The following PGM5 variants were observed in gnomAD, a reference collection of about 807,000 sequenced individuals.
PGM5 encodes the protein phosphoglucomutase 5, also known as phosphoglucomutase-like protein 5.
PGM5 carries 23 observed loss-of-function variants against 59.2 expected under a neutral mutation model. The observed-to-expected ratio is 0.39, with a 90% CI of 0.28 to 0.55. The LOEUF (loss-of-function observed/expected upper bound fraction) is 0.55. Ranked by LOEUF, PGM5 falls within the 20% of genes least tolerant of loss-of-function variation. The pLI is 0.66. For synonymous variants in PGM5, 214 were observed against 286.0 expected (o/e 0.75, Z 2.54); for missense variants, 574 against 748.3 (o/e 0.77, Z 2.72).
chr9:68,404,016 G>A (rs1200577356), intron 6 of PGM5, among the ~76,000 whole-genome samples: 1 of 152,216 alleles, frequency 6.6e-6, no homozygotes, highest in Non-Finnish European at 1.5e-5. Flanking sequence ...TCTGCTTGAA[G>A]ATCATCAGCA....
chr9:68,505,786 G>A (rs1824643365), intron 10 of PGM5, among the ~76,000 whole-genome samples: 1 of 152,162 alleles, frequency 6.6e-6, no homozygotes, highest in African/African-American at 2.4e-5. Context: ...AGGTAATTAT[G>A]GTTGATTAAA....
At chr9:68,519,932 T>TAAATAAAA (rs1824874951) in intron 10 of PGM5, among the ~76,000 whole-genome samples, 1 of 142,536 alleles carries the variant, frequency 7.0e-6, no homozygotes, top group African/African-American at 2.9e-5. Flanking sequence ...AATAAATAAA[T>TAAATAAAA]AAATAAAATT....
At chr9:68,417,423 G>A (rs559161987) in intron 6 of PGM5, among the ~76,000 whole-genome samples, 7 of 135,682 alleles carry the variant, frequency 5.2e-5, no homozygotes, top group East Asian at 1.9e-4. Flanking sequence ...CCCTGGGCCC[G>A]GGGGACGTGT....
chr9:68,402,408 A>G (rs1329462994), intron 6 of PGM5: 2 of 152,246 alleles, frequency 1.3e-5, no homozygotes, highest in Non-Finnish European at 2.9e-5. Flanking sequence ...GGCAAGAATC[A>G]TTGCTCTCTT....
chr9:68,462,143 G>A (rs1823866823), intron 6 of PGM5, among the ~76,000 whole-genome samples: 1 of 151,962 alleles, frequency 6.6e-6, no homozygotes, highest in African/African-American at 2.4e-5. Flanking sequence ...AGGAAAAAAT[G>A]TGGCCCAGGT....
chr9:68,373,915 AGAT>A (rs1821806631), intron 1 of PGM5, among the ~76,000 whole-genome samples: 1 of 152,222 alleles, frequency 6.6e-6, no homozygotes, highest in South Asian at 2.1e-4. Context: ...AGCAGTGTAG[AGAT>A]GATATGTTTG....
chr9:68,378,356 A>G lies in PGM5; in HGVS notation c.419A>G (p.Asn140Ser), dbSNP rs142021829. 1.9e-4 allele frequency: 301 copies of G among 1,591,552 alleles called. No individual in the cohort carries two copies. Among genetic ancestry groups the G allele is most frequent in the South Asian group, 1.3e-3 (115 of 88,282 alleles). ...GEFGVKFNVA[N>S]GGPAPDVVSD... ...TTTGGAGTGAAGTTTAATGTTGCCA[A>G]TGGAGGTATGTGGTTCAGCATATGC... Residue 140 changes from asparagine to serine, a missense_variant, in exon 2 of 11, where the codon AAT (asparagine) becomes AGT (serine). This residue lies in a region of PGM5 where 61 missense variants were observed against 133.3 expected (regional missense o/e 0.46). Coordinates refer to ENST00000396396, the MANE Select transcript of PGM5 (RefSeq NM_021965.4).
Position 68,356,939 on chromosome 9 carries a change from G to C in PGM5, c.-189G>C. On this transcript the variant is annotated 5_prime_UTR_variant, in exon 1 of 11. Coordinates refer to ENST00000396396, the MANE Select transcript of PGM5 (RefSeq NM_021965.4). ...TCTCTGCCGAGAGAGTCAGCCGAGCGGCCGCGCGGAGAGGAGGGGCGGGCG... is the reference window on the plus strand; with the variant it reads ...TCTCTGCCGAGAGAGTCAGCCGAGCCGCCGCGCGGAGAGGAGGGGCGGGCG... 6.3e-6 allele frequency: 3 copies of C among 478,930 alleles called. No individual in the cohort carries two copies. The allele number at this position is 478,930 out of a possible 1,614,324, so 29.7% of individuals were successfully genotyped here.
intron 9 of PGM5, among the ~76,000 whole-genome samples, chr9:68,489,556 C>T (rs1454921490): frequency 6.6e-6 from 1 of 151,294 alleles, no homozygotes; most frequent in Non-Finnish European, 1.5e-5. Flanking sequence ...ACCTCTGCTC[C>T]CGGGTTCAAG....
intron 6 of PGM5, among the ~76,000 whole-genome samples, chr9:68,463,356 C>T (rs555745355): frequency 6.6e-6 from 1 of 152,208 alleles, no homozygotes; most frequent in East Asian, 1.9e-4. Flanking sequence ...TCTTGCTGTT[C>T]GTAGGCATTT....
chr9:68,417,370 C>G (rs972491874), intron 6 of PGM5, among the ~76,000 whole-genome samples: 12 of 152,074 alleles, frequency 7.9e-5, no homozygotes, highest in African/African-American at 2.9e-4. Flanking sequence ...CTTTACTGCC[C>G]CCTAGATCCC....
rs1417458529 is a variant in PGM5 at position 68,369,386 on chromosome 9, G to A, written c.262-8813G>A. Among the ~76,000 whole-genome samples, 5 of 152,276 alleles carry A rather than the reference G, an allele frequency of 3.3e-5. No individual in the cohort carries two copies. In the South Asian group the frequency reaches 8.3e-4, roughly 25 times the overall value. On this transcript the variant is annotated intron_variant, in intron 1 of 10. Transcript: ENST00000396396. ...ACTCTGCTTTCTTGACCCACACCCAGGTAGACCCAATGGACACTTGTAGCT... is the reference window on the plus strand; with the variant it reads ...ACTCTGCTTTCTTGACCCACACCCAAGTAGACCCAATGGACACTTGTAGCT...
At chr9:68,393,060 C>CT (rs1320589973) in intron 6 of PGM5, among the ~76,000 whole-genome samples, 13 of 151,882 alleles carry the variant, frequency 8.6e-5, no homozygotes, top group Non-Finnish European at 1.6e-4. Context: ...CTAACTAACC[C>CT]TATTAGGTTT....
At chr9:68,368,018 A>G (rs1160638472) in intron 1 of PGM5, among the ~76,000 whole-genome samples, 47 of 152,356 alleles carry the variant, frequency 3.1e-4, no homozygotes, top group Non-Finnish European at 5.1e-4. Context: ...ATATACACAT[A>G]CTTAATTTCT....
chr9:68,453,477 TA>T (rs1409266148), intron 6 of PGM5, among the ~76,000 whole-genome samples: 1 of 152,182 alleles, frequency 6.6e-6, no homozygotes, highest in Non-Finnish European at 1.5e-5. Flanking sequence ...TAGATGAGAC[TA>T]CAGGTGCACA....
chr9:68,456,943 G>T (rs1554684927), intron 6 of PGM5, among the ~76,000 whole-genome samples: 1 of 151,888 alleles, frequency 6.6e-6, no homozygotes, highest in Non-Finnish European at 1.5e-5. Context: ...TTCTTATTTG[G>T]CTAATGTGAT....
chr9:68,382,317 T>C (rs1822098964), intron 2 of PGM5, among the ~76,000 whole-genome samples: 1 of 151,560 alleles, frequency 6.6e-6, no homozygotes, highest in Non-Finnish European at 1.5e-5. Flanking sequence ...AACAAAAATG[T>C]AAAAGAATGA....
intron 6 of PGM5, among the ~76,000 whole-genome samples, chr9:68,448,487 C>T (rs1220056253): frequency 6.6e-6 from 1 of 152,166 alleles, no homozygotes; most frequent in Non-Finnish European, 1.5e-5. Context: ...TAACCAGGAC[C>T]TCTCTTCTCT....
intron 6 of PGM5, among the ~76,000 whole-genome samples, chr9:68,409,939 C>T (rs78853113): frequency 0.047 from 7,092 of 151,938 alleles, 600 homozygotes; most frequent in East Asian, 0.41. Context: ...CATCTGACTT[C>T]GCCATTGATT....
Sources: allele counts gnomAD v4.1 joint callset (sites outside exome capture counted in the v4.1 genomes callset), GRCh38; gene constraint gnomAD v4.1.1; regional missense constraint gnomAD v4.1.1; transcripts MANE v1.5; gene names NCBI Gene and HGNC (gene_info 2026-07-23, HGNC 2026-07-21).